The following EYS variants were observed in gnomAD, a reference collection of about 807,000 sequenced individuals.
EYS encodes the protein EGF-like photoreceptor maintenance factor.
In EYS, 250 loss-of-function variants were observed where a neutral mutation model predicts 282.1. The ratio of observed to expected loss-of-function variants is 0.89; its 90% CI spans 0.80 to 0.98. EYS has a LOEUF of 0.98. Ranked by LOEUF, EYS falls within the 50% of genes least tolerant of loss-of-function variation. The pLI is 0.00. For missense variants in EYS, 4,016 were observed against 3,709.0 expected (o/e 1.08, Z -2.15); for synonymous variants, 1,355 against 1,282.9 (o/e 1.06, Z -1.20).
chr6:65,348,629 G>A (rs1770489309), intron 9 of EYS, among the ~76,000 whole-genome samples: 1 of 151,508 alleles, frequency 6.6e-6, no homozygotes, highest in African/African-American at 2.4e-5. Flanking sequence ...TTAATCCCTT[G>A]TCAGACAGAT....
intron 33 of EYS, among the ~76,000 whole-genome samples, chr6:64,036,619 G>A (rs1191581005): frequency 6.6e-6 from 1 of 152,180 alleles, no homozygotes; most frequent in African/African-American, 2.4e-5. Context: ...GGCTGTCACA[G>A]TGGGGATAAA....
At chr6:63,951,420 C>G (rs1358883483) in intron 35 of EYS, among the ~76,000 whole-genome samples, 1 of 152,118 alleles carries the variant, frequency 6.6e-6, no homozygotes, top group Non-Finnish European at 1.5e-5. Flanking sequence ...CCTCCCTAGT[C>G]TCTGTTCCCA....
chr6:64,466,590 G>A (rs1775926565), intron 26 of EYS, among the ~76,000 whole-genome samples: 1 of 152,056 alleles, frequency 6.6e-6, no homozygotes, highest in African/African-American at 2.4e-5. Context: ...TGGTTAGCAG[G>A]GATTTGGGAG....
intron 13 of EYS, among the ~76,000 whole-genome samples, chr6:65,001,795 C>T (rs1410928665): frequency 1.4e-5 from 2 of 147,382 alleles, no homozygotes; most frequent in African/African-American, 4.9e-5. Context: ...TAACATTCTA[C>T]ATGTGTGATA....
intron 41 of EYS, among the ~76,000 whole-genome samples, chr6:63,732,103 T>G (rs1302515338): frequency 1.3e-5 from 2 of 151,930 alleles, no homozygotes; most frequent in African/African-American, 4.8e-5. Flanking sequence ...ACTGGGTCAG[T>G]GCAGGAGTTG....
intron 2 of EYS, among the ~76,000 whole-genome samples, chr6:65,608,729 TA>T (rs1432070015): frequency 6.6e-6 from 1 of 152,066 alleles, no homozygotes; most frequent in African/African-American, 2.4e-5. Flanking sequence ...CCTTACTATA[TA>T]AGCTTTTTAT....
intron 1 of EYS, among the ~76,000 whole-genome samples, chr6:65,660,569 T>C (rs542631873): frequency 6.6e-6 from 1 of 151,900 alleles, no homozygotes; most frequent in South Asian, 2.1e-4. Flanking sequence ...ATTTCCTGAA[T>C]TCTACATTTT....
chr6:64,300,171 TAAG>T (rs1769183405), intron 30 of EYS, among the ~76,000 whole-genome samples: 1 of 152,030 alleles, frequency 6.6e-6, no homozygotes, highest in Non-Finnish European at 1.5e-5. Context: ...TATAAAAAAA[TAAG>T]AAAAGGCATT....
intron 2 of EYS, among the ~76,000 whole-genome samples, chr6:65,513,870 A>G (rs922952264): frequency 6.6e-6 from 1 of 152,208 alleles, no homozygotes; most frequent in Non-Finnish European, 1.5e-5. Flanking sequence ...ATTCCCTTTG[A>G]AAACTGGCAC....
chr6:64,497,726 C>T (rs1776934277), intron 26 of EYS, among the ~76,000 whole-genome samples: 2 of 151,932 alleles, frequency 1.3e-5, no homozygotes, highest in African/African-American at 4.8e-5. Flanking sequence ...AATAACAACC[C>T]AGATTGAGAT....
rs1360282861 is a variant in EYS, at chr6:63,984,367, G to A, written c.7055+16C>T. The A allele has an allele frequency of 2.6e-6, 4 of 1,519,990 alleles. No homozygotes were observed. In the East Asian group the frequency reaches 9.8e-5, roughly 37 times the overall value. 94.2% of individuals were successfully genotyped at this position (1,519,990 alleles called of 1,614,324 possible). The stretch of plus-strand genomic sequence containing the variant: ...GTCATGTAACGTAGGTTGGGAATCA[G>A]GAGACTAATACTGACCTGATGCAGG... On this transcript the variant is annotated intron_variant, in intron 35 of 42. Coordinates refer to ENST00000503581, the MANE Select transcript of EYS (RefSeq NM_001142800.2).
intron 31 of EYS, among the ~76,000 whole-genome samples, chr6:64,179,255 C>G (rs1157028144): frequency 5.3e-5 from 8 of 152,014 alleles, no homozygotes; most frequent in Non-Finnish European, 5.9e-5. Flanking sequence ...AAAGTACTTG[C>G]AGGCTTCTTC....
chr6:64,993,387 C>T (rs1771138953), intron 14 of EYS, among the ~76,000 whole-genome samples: 1 of 151,636 alleles, frequency 6.6e-6, no homozygotes, highest in African/African-American at 2.4e-5. Flanking sequence ...CCATGGACTA[C>T]TACGCAGCCA....
intron 14 of EYS, among the ~76,000 whole-genome samples, chr6:64,979,862 A>T (rs907249793): frequency 6.6e-6 from 1 of 151,632 alleles, no homozygotes; most frequent in Non-Finnish European, 1.5e-5. Flanking sequence ...AATATTTTTT[A>T]AAATTCCCAC....
At chr6:65,530,318 A>G (rs540427123) in intron 2 of EYS, among the ~76,000 whole-genome samples, 37 of 152,314 alleles carry the variant, frequency 2.4e-4, no homozygotes, top group Admixed American at 9.8e-4. Context: ...GCTCCAAAGT[A>G]GGAGTCAGCA....
intron 33 of EYS, among the ~76,000 whole-genome samples, chr6:64,013,780 G>T (rs1444140417): frequency 6.6e-6 from 1 of 151,898 alleles, no homozygotes; most frequent in African/African-American, 2.4e-5. Flanking sequence ...AAGCTGAAAA[G>T]CTCAACTTCA....
intron 5 of EYS, among the ~76,000 whole-genome samples, chr6:65,464,752 C>T (rs1436764887): frequency 6.6e-6 from 1 of 151,942 alleles, no homozygotes; most frequent in Non-Finnish European, 1.5e-5. Context: ...TCCATTGATT[C>T]AGAGCATAGA....
intron 13 of EYS, among the ~76,000 whole-genome samples, chr6:65,014,704 G>C (rs894132331): frequency 6.6e-5 from 10 of 152,124 alleles, no homozygotes; most frequent in Non-Finnish European, 1.5e-4. Flanking sequence ...GATTTTAAGG[G>C]AGTTTATTTT....
chr6:64,442,663 A>T (rs1209485875), intron 26 of EYS, among the ~76,000 whole-genome samples: 1 of 152,192 alleles, frequency 6.6e-6, no homozygotes, highest in East Asian at 1.9e-4. Context: ...CAGCTGTTCC[A>T]GCCATGACTA....
Sources: gnomAD v4.1 joint callset for allele counts (sites outside exome capture counted in the v4.1 genomes callset) on GRCh38, gnomAD v4.1.1 for gene constraint, MANE v1.5 for transcripts, NCBI Gene and HGNC (gene_info 2026-07-23, HGNC 2026-07-21) for gene names.